Variants in PITPNB observed in about 807,000 individuals in gnomAD.
PITPNB encodes phosphatidylinositol transfer protein beta.
Under a neutral mutation model 45.9 loss-of-function variants are expected in PITPNB, and 16 were observed. The observed-to-expected ratio is 0.35, with a 90% CI of 0.24 to 0.53. The LOEUF (loss-of-function observed/expected upper bound fraction) is 0.53. Ranked by LOEUF, PITPNB falls within the 20% of genes least tolerant of loss-of-function variation. PITPNB has a pLI of 0.93. For missense variants in PITPNB, 188 were observed against 330.5 expected, an observed-to-expected ratio of 0.57 and a Z score of 3.34; for synonymous variants, 112 against 108.9, an observed-to-expected ratio of 1.03 and a Z score of -0.18.
chr22:27,894,666 A>G (rs1188064215), intron 6 of PITPNB, 28 bp from the exon 7 acceptor site: 1 of 1,275,506 alleles, frequency 7.8e-7, no homozygotes, highest in Non-Finnish European at 1.1e-6. Context: ...AAAAGAAACA[A>G]AACAAACTGT....
chr22:27,873,618 A>G, intron 8 of PITPNB, 120 bp downstream of exon 8: 2 of 668,310 alleles, frequency 3.0e-6, no homozygotes, highest in Admixed American at 2.4e-5. Context: ...TATCGCAAAT[A>G]AAACTATTTT....
rs145836781 is a variant in PITPNB, at chr22:27,871,939, TC to T, written c.534+1798del. Reference sequence around the variant, plus strand: ...GCTGTATAAAAGTGCATGGCACACTTCCCCTGCCCCACTTCCACCATGTGAG... The same window carrying T: ...GCTGTATAAAAGTGCATGGCACACTTCCCTGCCCCACTTCCACCATGTGAG... On this transcript the variant is annotated intron_variant, in intron 8 of 11. Transcript: ENST00000335272. 6.8e-3 allele frequency among the ~76,000 whole-genome samples: 1,031 copies of T among 152,088 alleles called. 7 individuals carry two copies. Among genetic ancestry groups the T allele is most frequent in the African/African-American group, 0.023 (936 of 41,490 alleles).
At chr22:27,887,235 T>G (rs1272387474) in intron 7 of PITPNB, among the ~76,000 whole-genome samples, 1 of 152,210 alleles carries the variant, frequency 6.6e-6, no homozygotes, top group African/African-American at 2.4e-5. Flanking sequence ...TTCCCAGTAG[T>G]CACACGATCT....
rs2146338981 is a variant in PITPNB, at chr22:27,851,749, G to C, written c.*1953C>G. Reference sequence around the variant, plus strand: ...TGTAATTTACACAAGAGACTGGCAAGTAAACTAGGTATTTTACATTCACCA... The same window carrying C: ...TGTAATTTACACAAGAGACTGGCAACTAAACTAGGTATTTTACATTCACCA... On this transcript the variant is annotated 3_prime_UTR_variant, in exon 12 of 12. Coordinates refer to ENST00000335272, the MANE Select transcript of PITPNB (RefSeq NM_012399.5). 1 of 152,244 alleles carries C rather than the reference G, an allele frequency of 6.6e-6. No homozygotes were observed. Among genetic ancestry groups the C allele is most frequent in the African/African-American group, 2.4e-5 (1 of 41,546 alleles). 9.4% of individuals were successfully genotyped at this position (152,244 alleles called of 1,614,324 possible). A position where few individuals can be genotyped will look rare whatever the true frequency, so the allele number is the denominator to read the frequency against.
In PITPNB at chr22:27,890,948, C is replaced by T. The variant is rs138470584; in HGVS notation, c.456+3607G>A. Among the ~76,000 whole-genome samples the T allele has an allele frequency of 8.5e-3, 1,294 of 152,228 alleles. 8 individuals are homozygous for T. The highest frequency in any genetic ancestry group is 0.012 in the Non-Finnish European group (826 of 68,020). On this transcript the variant is annotated intron_variant, in intron 7 of 11. Coordinates refer to ENST00000335272, the MANE Select transcript of PITPNB (RefSeq NM_012399.5). Reference sequence around the variant, plus strand: ...CGAAGATGAATCTTGTAAATCAATGCGAAGTATAAGAAAGAAGCCAGCCAC... The same window carrying T: ...CGAAGATGAATCTTGTAAATCAATGTGAAGTATAAGAAAGAAGCCAGCCAC...
chr22:27,910,894 AAGTT>A (rs1190090326), intron 3 of PITPNB, 66 bp downstream of exon 3: 1 of 1,074,322 alleles, frequency 9.3e-7, no homozygotes, highest in African/African-American at 1.6e-5. Flanking sequence ...TCTACTAGTT[AAGTT>A]AGCTAGTTAC....
At chr22:27,863,417 T>C (rs757311057) in intron 8 of PITPNB, among the ~76,000 whole-genome samples, 2 of 152,188 alleles carry the variant, frequency 1.3e-5, no homozygotes, top group Non-Finnish European at 2.9e-5. Flanking sequence ...GTCCTAAAAC[T>C]TCCTACAATT....
chr22:27,895,595 A>G (rs994446904), intron 6 of PITPNB, among the ~76,000 whole-genome samples: 1 of 143,854 alleles, frequency 7.0e-6, no homozygotes, highest in Non-Finnish European at 1.6e-5. Context: ...GTCTCAAAAA[A>G]AAAAACAAAA....
At chr22:27,897,734 C>T (rs766380055) in intron 4 of PITPNB, 67 bp downstream of exon 4, 19 of 1,019,238 alleles carry the variant, frequency 1.9e-5, no homozygotes, top group Non-Finnish European at 3.0e-5. Context: ...CTCAAAGACA[C>T]TGGTACTGGG....
intron 7 of PITPNB, among the ~76,000 whole-genome samples, chr22:27,884,843 C>T (rs1935070435): frequency 6.6e-6 from 1 of 152,060 alleles, no homozygotes; most frequent in Non-Finnish European, 1.5e-5. Context: ...TAAGGTGCAT[C>T]ACTTTTAGGT....
intron 7 of PITPNB, among the ~76,000 whole-genome samples, chr22:27,878,077 C>T (rs762743020): frequency 3.3e-5 from 5 of 152,182 alleles, no homozygotes; most frequent in Non-Finnish European, 5.9e-5. Context: ...AATTAGGTGT[C>T]TATTAAAATA....
chr22:27,875,667 T>G (rs1272500923), intron 7 of PITPNB, among the ~76,000 whole-genome samples: 5 of 152,220 alleles, frequency 3.3e-5, no homozygotes, highest in African/African-American at 9.7e-5. Flanking sequence ...GTATTTAACA[T>G]TGTATCAAAT....
At chr22:27,916,955 T>G (rs1388036558) in intron 1 of PITPNB, among the ~76,000 whole-genome samples, 3 of 152,228 alleles carry the variant, frequency 2.0e-5, no homozygotes, top group Non-Finnish European at 4.4e-5. Context: ...AGTATCAATT[T>G]TTCATTGAAC....
intron 7 of PITPNB, among the ~76,000 whole-genome samples, chr22:27,882,578 C>T (rs1935003535): frequency 6.6e-6 from 1 of 152,224 alleles, no homozygotes; most frequent in Non-Finnish European, 1.5e-5. Context: ...TACAAAGCTG[C>T]TCAGAAACAG....
chr22:27,861,204 G>T (rs994607905), intron 8 of PITPNB, among the ~76,000 whole-genome samples: 2 of 151,710 alleles, frequency 1.3e-5, no homozygotes, highest in African/African-American at 2.4e-5. Flanking sequence ...GTGGTGGTGG[G>T]AGCCTGTAAT....
chr22:27,918,318 A>G (rs1420758750), intron 1 of PITPNB, among the ~76,000 whole-genome samples: 2 of 152,196 alleles, frequency 1.3e-5, no homozygotes, highest in Non-Finnish European at 2.9e-5. Context: ...TTTGAAAACC[A>G]ACGAATGGGC....
chr22:27,902,916 G>A (rs574180911), intron 3 of PITPNB, among the ~76,000 whole-genome samples: 1 of 152,100 alleles, frequency 6.6e-6, no homozygotes, highest in South Asian at 2.1e-4. Flanking sequence ...AGATGGGGTC[G>A]CAGTATGTTT....
chr22:27,861,827 G>C (rs1934342809), intron 8 of PITPNB, among the ~76,000 whole-genome samples: 1 of 152,200 alleles, frequency 6.6e-6, no homozygotes, highest in Non-Finnish European at 1.5e-5. Flanking sequence ...TAGGTGCTTA[G>C]TAGGTGAGAC....
chr22:27,893,235 C>T (rs919459933), intron 7 of PITPNB, among the ~76,000 whole-genome samples: 8 of 151,986 alleles, frequency 5.3e-5, no homozygotes, highest in African/African-American at 1.9e-4. Flanking sequence ...AAAGTAAGAA[C>T]CACATTAATA....
Sources: gnomAD v4.1 joint callset for allele counts (sites outside exome capture counted in the v4.1 genomes callset) on GRCh38, gnomAD v4.1.1 for gene constraint, MANE v1.5 for transcripts, NCBI Gene and HGNC (gene_info 2026-07-23, HGNC 2026-07-21) for gene names.